The following CASD1 variants were observed in gnomAD, a reference collection of about 807,000 sequenced individuals.
CASD1 encodes the protein CAS1 domain sialic acid O acetyltransferase 1, also known as N-acetylneuraminate (7)9-O-acetyltransferase.
In CASD1, 41 loss-of-function variants were observed where a neutral mutation model predicts 100.0. The observed-to-expected ratio is 0.41, with a 90% CI of 0.32 to 0.53. The LOEUF (loss-of-function observed/expected upper bound fraction) is 0.53, where lower values mean the gene tolerates loss of function less well. Among genes scored for constraint, CASD1 ranks in the 20% least tolerant of loss-of-function variants. CASD1 has a pLI of 0.25. For missense variants in CASD1, 774 were observed against 948.7 expected, an observed-to-expected ratio of 0.82 and a Z score of 2.42; for synonymous variants, 321 against 315.6, an observed-to-expected ratio of 1.02 and a Z score of -0.18.
intron 10 of CASD1, among the ~76,000 whole-genome samples, chr7:94,543,615 A>G (rs1264316299): frequency 6.6e-6 from 1 of 151,556 alleles, no homozygotes. Context: ...AGATCACGCC[A>G]CTGCATTCCA....
the CASD1 span, among the ~76,000 whole-genome samples, chr7:94,574,105 T>C: frequency 6.6e-6 from 1 of 152,192 alleles, no homozygotes; most frequent in African/African-American, 2.4e-5. Flanking sequence ...ATTAGCTTTT[T>C]GATGTGCGCT....
At chr7:94,528,042 C>A in intron 4 of CASD1, 146 bp from the exon 5 acceptor site, 2 of 614,936 alleles carry the variant, frequency 3.3e-6, no homozygotes, top group South Asian at 4.2e-5. Context: ...AAGACTCTTG[C>A]CAAATTAAGA....
chr7:94,509,875 G>T lies in CASD1; in HGVS notation c.-210G>T. On this transcript the variant is annotated 5_prime_UTR_variant, in exon 1 of 18. Coordinates refer to ENST00000297273, the MANE Select transcript of CASD1 (RefSeq NM_022900.5). ...GCAGCGGCGGCGGGGCTGGGGGGAG[G>T]CCGCCGAGTCGGCCGCGGCCGAGGA... 6 of 1,033,332 alleles carry T rather than the reference G, an allele frequency of 5.8e-6. No individual in the cohort carries two copies. Among genetic ancestry groups the T allele is most frequent in the Non-Finnish European group, 5.8e-6 (5 of 862,042 alleles). The allele number at this position is 1,033,332 out of a possible 1,614,324, so 64.0% of individuals were successfully genotyped here.
At chr7:94,547,264 T>G in intron 13 of CASD1, 89 bp downstream of exon 13, 1 of 870,726 alleles carries the variant, frequency 1.1e-6, no homozygotes. Flanking sequence ...CAGAGCTTTT[T>G]TTTAGCTTCA....
chr7:94,518,775 A>C (rs2116207709), intron 3 of CASD1, among the ~76,000 whole-genome samples: 1 of 152,154 alleles, frequency 6.6e-6, no homozygotes, highest in South Asian at 2.1e-4. Flanking sequence ...CAACTTAAGT[A>C]TCTTCTTAAT....
At chr7:94,551,564 TAAA>T in intron 15 of CASD1, 86 bp downstream of exon 15, 1 of 559,910 alleles carries the variant, frequency 1.8e-6, no homozygotes, top group Non-Finnish European at 2.6e-6. Flanking sequence ...TTTTTAATAA[TAAA>T]TCTTTTTTTC....
the CASD1 span, chr7:94,619,069 G>A: frequency 2.6e-6 from 2 of 773,838 alleles, no homozygotes; most frequent in East Asian, 2.6e-5. Context: ...GCAGCAGGAA[G>A]CAATATTAAT....
the CASD1 span, among the ~76,000 whole-genome samples, chr7:94,614,891 C>T: frequency 6.6e-6 from 1 of 152,068 alleles, no homozygotes; most frequent in Non-Finnish European, 1.5e-5. Flanking sequence ...TGATAGAACT[C>T]AGAAGAGTAG....
At position 94,533,775 on chromosome 7, in the gene CASD1, A is replaced by C. The variant is rs773346156; in HGVS notation, c.601A>C (p.Thr201Pro). The C allele has an allele frequency of 1.3e-6, 2 of 1,595,946 alleles. No homozygotes were observed. Among genetic ancestry groups the C allele is most frequent in the Non-Finnish European group, 8.5e-7 (1 of 1,171,326 alleles). ...IAPLLEKLAK[T>P]SDVYWVLQDP... ...ACCACTTTTAGAAAAATTGGCAAAG[A>C]CTAGTGATGTTTATTGGGTCTTACA... The change falls in exon 7 of 18, where the codon ACT becomes CCT. Residue 201 changes from threonine to proline, a missense_variant. This residue lies in a region of CASD1 where 453 missense variants were observed against 532.6 expected (regional missense o/e 0.85). Coordinates refer to ENST00000297273, the MANE Select transcript of CASD1 (RefSeq NM_022900.5).
the CASD1 span, chr7:94,620,631 T>G: frequency 6.6e-6 from 1 of 152,230 alleles, no homozygotes; most frequent in Non-Finnish European, 1.5e-5. Context: ...GTCTAAAATC[T>G]ATTCATTTCA....
the CASD1 span, among the ~76,000 whole-genome samples, chr7:94,592,438 T>G: frequency 6.6e-6 from 1 of 152,146 alleles, no homozygotes; most frequent in Non-Finnish European, 1.5e-5. Context: ...CTTAATGAAG[T>G]CATAAAACAA....
the CASD1 span, chr7:94,587,522 A>T: frequency 1.5e-6 from 2 of 1,299,498 alleles, 1 homozygote; most frequent in South Asian, 5.3e-5. Flanking sequence ...TTTCCTTTTA[A>T]AAAATAGCTG....
At chr7:94,598,575 G>A in the CASD1 span, 3 of 593,418 alleles carry the variant, frequency 5.1e-6, no homozygotes, top group South Asian at 5.9e-5. Context: ...TGGATCAGTG[G>A]GGGAAAAAAA....
chr7:94,578,735 T>C, the CASD1 span, among the ~76,000 whole-genome samples: 1 of 152,140 alleles, frequency 6.6e-6, no homozygotes, highest in African/African-American at 2.4e-5. Flanking sequence ...GAAATGTTTG[T>C]GTAGAGAAAA....
chr7:94,549,908 CTTG>C (rs1795864373), intron 14 of CASD1, among the ~76,000 whole-genome samples: 1 of 151,796 alleles, frequency 6.6e-6, no homozygotes, highest in Non-Finnish European at 1.5e-5. Flanking sequence ...TTATAGGTGA[CTTG>C]TTGTATATAT....
chr7:94,534,603 T>G (rs1166728654), intron 7 of CASD1, among the ~76,000 whole-genome samples: 1 of 152,164 alleles, frequency 6.6e-6, no homozygotes, highest in Non-Finnish European at 1.5e-5. Flanking sequence ...TTTTAGGAAT[T>G]TATTGAATGT....
intron 1 of CASD1, among the ~76,000 whole-genome samples, chr7:94,513,176 A>G (rs1031255422): frequency 2.6e-5 from 4 of 151,540 alleles, no homozygotes; most frequent in African/African-American, 4.9e-5. Flanking sequence ...TTCTTCTTCA[A>G]TTAGCTGGGC....
At chr7:94,607,215 A>G in the CASD1 span, among the ~76,000 whole-genome samples, 1 of 152,196 alleles carries the variant, frequency 6.6e-6, no homozygotes. Flanking sequence ...GAATTCTACT[A>G]GACATTTAAG....
the CASD1 span, among the ~76,000 whole-genome samples, chr7:94,615,417 GATAGATAA>G: frequency 0.014 from 1,727 of 127,746 alleles, 13 homozygotes; most frequent in Non-Finnish European, 0.02. Context: ...TAGATAGATA[GATAGATAA>G]AGGGCAATTC....
Sources: gnomAD v4.1 joint callset for allele counts (sites outside exome capture counted in the v4.1 genomes callset) on GRCh38, gnomAD v4.1.1 for gene constraint, gnomAD v4.1.1 regional missense constraint, MANE v1.5 for transcripts, NCBI Gene and HGNC (gene_info 2026-07-23, HGNC 2026-07-21) for gene names.